The following RBM41 variants were observed in gnomAD, a reference collection of about 807,000 sequenced individuals.
RBM41 encodes the protein RNA binding motif protein 41, also known as RNA-binding protein 41.
In RBM41, 14 loss-of-function variants were observed where a neutral mutation model predicts 30.8. The observed-to-expected ratio is 0.45, with a 90% CI of 0.30 to 0.71. The LOEUF (loss-of-function observed/expected upper bound fraction) is 0.71, where lower values mean the gene tolerates loss of function less well. RBM41 is among the 30% of genes least tolerant of loss of function. RBM41 has a pLI of 0.08. For missense variants in RBM41, 276 were observed against 326.3 expected, an observed-to-expected ratio of 0.85 and a Z score of 1.19; for synonymous variants, 120 against 110.1, an observed-to-expected ratio of 1.09 and a Z score of -0.56.
chrX:107,102,431 A>G (rs1377535042), intron 5 of RBM41, among the ~76,000 whole-genome samples: 2 of 111,747 alleles, frequency 1.8e-5, no homozygotes, highest in Non-Finnish European at 3.8e-5. Flanking sequence ...GGCCAACAGT[A>G]TAGATGGACA....
At position 107,094,942 on chromosome X, in the gene RBM41, C is replaced by T. The variant is rs148259404; in HGVS notation, c.596-6103G>A. Among the ~76,000 whole-genome samples, 814 of 110,754 alleles carry T rather than the reference C, an allele frequency of 7.3e-3. 3 individuals carry two copies. Among genetic ancestry groups the T allele is most frequent in the Admixed American group, 0.011 (118 of 10,414 alleles). On this transcript the variant is annotated intron_variant, in intron 5 of 7. Transcript: ENST00000685964. Reference sequence around the variant, plus strand: ...TATATTGTTTAAGCCACTAAATATACGGTAATTAGTTACATACTAATTACT... The same window carrying T: ...TATATTGTTTAAGCCACTAAATATATGGTAATTAGTTACATACTAATTACT...
At chrX:107,118,534 G>A (rs1308105983) in intron 1 of RBM41, among the ~76,000 whole-genome samples, 2 of 111,085 alleles carry the variant, frequency 1.8e-5, no homozygotes, top group African/African-American at 6.5e-5. Flanking sequence ...GGCCCGTGCC[G>A]GGAGGGCATT....
intron 6 of RBM41, among the ~76,000 whole-genome samples, chrX:107,087,581 A>G (rs1922144752): frequency 9.0e-6 from 1 of 111,145 alleles, no homozygotes; most frequent in Non-Finnish European, 1.9e-5. Context: ...AATAAGAATT[A>G]TCTACAACGT....
chrX:107,116,442 G>A (rs1924884001), intron 2 of RBM41, among the ~76,000 whole-genome samples: 1 of 111,873 alleles, frequency 8.9e-6, no homozygotes, highest in Admixed American at 9.4e-5. Context: ...TGCTGTAGGA[G>A]GACATAAAAT....
intron 7 of RBM41, among the ~76,000 whole-genome samples, chrX:107,068,735 G>GTTTT (rs1364449410): frequency 3.6e-5 from 4 of 111,758 alleles, no homozygotes; most frequent in African/African-American, 1.3e-4. Context: ...ATATTATCTG[G>GTTTT]TCTGTCATAG....
downstream of RBM41, among the ~76,000 whole-genome samples, chrX:107,058,293 CAAAAA>C (rs201428990): frequency 0.36 from 16,387 of 45,272 alleles, 1,787 homozygotes; most frequent in East Asian, 0.53. Context: ...AACTCCGTCT[CAAAAA>C]AAAAAAAAAA....
chrX:107,081,177 C>T (rs1368009820), intron 6 of RBM41, among the ~76,000 whole-genome samples: 7 of 110,502 alleles, frequency 6.3e-5, no homozygotes, highest in Non-Finnish European at 9.5e-5. Context: ...ATGACCATTA[C>T]GAGTTAATTT....
At chrX:107,056,894 G>GA (rs1935595012), downstream of RBM41, among the ~76,000 whole-genome samples, 1 of 91,889 alleles carries the variant, frequency 1.1e-5, no homozygotes, top group African/African-American at 4.3e-5. Context: ...TTTTTTTTGG[G>GA]GGGGGCGACA....
At chrX:107,102,054 A>T (rs1047373976) in intron 5 of RBM41, among the ~76,000 whole-genome samples, 5 of 111,599 alleles carry the variant, frequency 4.5e-5, no homozygotes, top group Non-Finnish European at 9.4e-5. Context: ...CATACACGTA[A>T]TCATGAACAA....
chrX:107,116,571 T>C, intron 2 of RBM41, 79 bp downstream of exon 2: 1 of 1,150,732 alleles, frequency 8.7e-7, no homozygotes, highest in Non-Finnish European at 1.2e-6. Context: ...AGAGGAACAT[T>C]CCATCTAGGC....
At chrX:107,091,080 T>A (rs1305648739) in intron 5 of RBM41, among the ~76,000 whole-genome samples, 1 of 111,163 alleles carries the variant, frequency 9.0e-6, no homozygotes. Flanking sequence ...TGTTCTTGTG[T>A]TAGTTTGTTG....
At chrX:107,101,520 C>T (rs1046960715) in intron 5 of RBM41, among the ~76,000 whole-genome samples, 3 of 110,495 alleles carry the variant, frequency 2.7e-5, no homozygotes, top group Non-Finnish European at 1.9e-5. Context: ...GAGACAGATA[C>T]AGTCAACAAC....
chrX:107,101,197 T>C (rs1475415364), intron 5 of RBM41, among the ~76,000 whole-genome samples: 1 of 111,313 alleles, frequency 9.0e-6, no homozygotes, highest in Non-Finnish European at 1.9e-5. Context: ...GAGGGACATA[T>C]GGGGATTTTT....
At chrX:107,057,275 C>G (rs983897334), downstream of RBM41, among the ~76,000 whole-genome samples, 1 of 110,969 alleles carries the variant, frequency 9.0e-6, no homozygotes, top group Non-Finnish European at 1.9e-5. Flanking sequence ...GATCTGAGAT[C>G]GTTCTTTATT....
At chrX:107,069,183 A>C in intron 7 of RBM41, 72 bp downstream of exon 7, 1 of 928,149 alleles carries the variant, frequency 1.1e-6, no homozygotes, top group Non-Finnish European at 1.5e-6. Flanking sequence ...CTATATCTAA[A>C]TTAGAGAGGT....
intron 5 of RBM41, among the ~76,000 whole-genome samples, chrX:107,107,979 G>A (rs1178131734): frequency 2.7e-5 from 3 of 111,283 alleles, no homozygotes; most frequent in African/African-American, 9.8e-5. Flanking sequence ...CTGATTCAAG[G>A]TTAGAAAATG....
chrX:107,112,141 A>T (rs1471448529), intron 5 of RBM41, among the ~76,000 whole-genome samples: 1 of 111,959 alleles, frequency 8.9e-6, no homozygotes, highest in Non-Finnish European at 1.9e-5. Context: ...CACATATCCA[A>T]CAGAAGATTG....
chrX:107,098,263 A>G (rs1183918082), intron 5 of RBM41, among the ~76,000 whole-genome samples: 3 of 111,990 alleles, frequency 2.7e-5, no homozygotes, highest in Non-Finnish European at 5.6e-5. Flanking sequence ...CCCAATCAAA[A>G]TCATATAAAG....
intron 5 of RBM41, among the ~76,000 whole-genome samples, chrX:107,097,338 T>C (rs1923066358): frequency 8.9e-6 from 1 of 111,968 alleles, no homozygotes; most frequent in South Asian, 3.8e-4. Context: ...TCTATTGACA[T>C]GGTTTGGCTC....
Sources: gnomAD v4.1 joint callset for allele counts (sites outside exome capture counted in the v4.1 genomes callset) on GRCh38, gnomAD v4.1.1 for gene constraint, MANE v1.5 for transcripts, NCBI Gene and HGNC (gene_info 2026-07-23, HGNC 2026-07-21) for gene names.